The following NFIB variants were observed in gnomAD, a reference collection of about 807,000 sequenced individuals.
NFIB encodes nuclear factor I B, also known as nuclear factor 1 B-type.
NFIB carries 11 observed loss-of-function variants against 61.5 expected under a neutral mutation model. The observed-to-expected ratio is 0.18, with a 90% CI of 0.11 to 0.30. The LOEUF is 0.30. NFIB is among the 10% of genes least tolerant of loss of function. The pLI is 1.00. For missense variants in NFIB, 471 were observed against 608.9 expected, an observed-to-expected ratio of 0.77 and a Z score of 2.38; for synonymous variants, 260 against 216.5, an observed-to-expected ratio of 1.20 and a Z score of -1.76.
chr9:14,090,186 T>C (rs2033650652), intron 10 of NFIB, among the ~76,000 whole-genome samples: 1 of 152,172 alleles, frequency 6.6e-6, no homozygotes, highest in Non-Finnish European at 1.5e-5. Flanking sequence ...AAATTAGATC[T>C]ACTTAGCATT....
At position 14,319,610 on chromosome 9, in the gene NFIB, G is replaced by A. The variant is rs939970896; in HGVS notation, c.109-12090C>T. Among the ~76,000 whole-genome samples, 12 of 152,106 alleles carry A rather than the reference G, an allele frequency of 7.9e-5. No individual in the cohort carries two copies. In the East Asian group the frequency reaches 2.3e-3, roughly 29 times the overall value. The stretch of plus-strand genomic sequence containing the variant: ...ACCATTTTATTTCTACAGGTAAACT[G>A]GCTTCTATTACCCATATACACATGC... On this transcript the variant is annotated intron_variant, in intron 1 of 8. Coordinates refer to the NFIB transcript ENST00000380934.
At chr9:14,147,299 A>G (rs2042372046) in intron 5 of NFIB, among the ~76,000 whole-genome samples, 1 of 152,134 alleles carries the variant, frequency 6.6e-6, no homozygotes, top group South Asian at 2.1e-4. Flanking sequence ...TGAATTGCTA[A>G]TAGTAAGCTC....
chr9:14,511,713 T>C, the NFIB span, among the ~76,000 whole-genome samples: 3 of 152,322 alleles, frequency 2.0e-5, no homozygotes, highest in Non-Finnish European at 4.4e-5. Context: ...TTCTAGGTAT[T>C]TTGGTTCTAA....
the NFIB span, among the ~76,000 whole-genome samples, chr9:14,429,791 A>G: frequency 2.0e-5 from 3 of 152,332 alleles, no homozygotes; most frequent in Middle Eastern, 3.4e-3. Context: ...CTCTCTGGCC[A>G]GCAGTACTCC....
intron 3 of NFIB, among the ~76,000 whole-genome samples, chr9:14,166,553 G>A (rs2131318145): frequency 6.6e-6 from 1 of 152,252 alleles, no homozygotes; most frequent in South Asian, 2.1e-4. Flanking sequence ...TTAGATACAA[G>A]CCTCTCATTA....
chr9:14,121,043 AC>A (rs1169420220), intron 7 of NFIB, among the ~76,000 whole-genome samples: 2 of 152,166 alleles, frequency 1.3e-5, no homozygotes, highest in Non-Finnish European at 2.9e-5. Context: ...CAGGTGGATC[AC>A]CTGAGGTCAG....
At chr9:14,289,884 C>T (rs370367355) in intron 2 of NFIB, among the ~76,000 whole-genome samples, 2 of 151,946 alleles carry the variant, frequency 1.3e-5, no homozygotes, top group South Asian at 4.1e-4. Context: ...AAAAAATAAA[C>T]ACATCACCAT....
chr9:14,086,583 T>A lies in NFIB; in HGVS notation c.*1726A>T, dbSNP rs1466979558. 1 of 216,378 alleles carries A rather than the reference T, an allele frequency of 4.6e-6. No individual in the cohort carries two copies. 13.4% of individuals were successfully genotyped at this position (216,378 alleles called of 1,614,324 possible). A position where few individuals can be genotyped will look rare whatever the true frequency, so the allele number is the denominator to read the frequency against. Reference sequence around the variant, plus strand: ...AAAATATTGCTGGTCGATTACAATTTTTAAGCGGCAACTATACACAGCCAT... The same window carrying A: ...AAAATATTGCTGGTCGATTACAATTATTAAGCGGCAACTATACACAGCCAT... On this transcript the variant is annotated 3_prime_UTR_variant, in exon 11 of 11. Coordinates refer to ENST00000380953, the MANE Select transcript of NFIB (RefSeq NM_001190737.2).
chr9:14,174,051 C>G (rs1465226549), intron 3 of NFIB, among the ~76,000 whole-genome samples: 2 of 152,134 alleles, frequency 1.3e-5, no homozygotes, highest in African/African-American at 4.8e-5. Flanking sequence ...AAACACTTCC[C>G]TCATCCTCTC....
chr9:14,458,116 C>G, the NFIB span, among the ~76,000 whole-genome samples: 1 of 152,214 alleles, frequency 6.6e-6, no homozygotes, highest in Non-Finnish European at 1.5e-5. Context: ...CAAAAATCCT[C>G]AATAAAATAC....
At chr9:14,342,096 A>G (rs984946964) in intron 1 of NFIB, among the ~76,000 whole-genome samples, 2 of 152,202 alleles carry the variant, frequency 1.3e-5, no homozygotes, top group African/African-American at 4.8e-5. Flanking sequence ...GCAATTTTTA[A>G]TATGTCCCCG....
chr9:14,439,277 G>A, the NFIB span, among the ~76,000 whole-genome samples: 1 of 152,132 alleles, frequency 6.6e-6, no homozygotes, highest in Non-Finnish European at 1.5e-5. Flanking sequence ...GGCTGAGGTG[G>A]GAGGATCCCT....
the NFIB span, among the ~76,000 whole-genome samples, chr9:14,484,985 T>C: frequency 6.6e-6 from 1 of 152,344 alleles, no homozygotes; most frequent in East Asian, 1.9e-4. Flanking sequence ...TCTTGCTGTG[T>C]TGTCACATGA....
the NFIB span, among the ~76,000 whole-genome samples, chr9:14,522,884 G>A: frequency 6.6e-6 from 1 of 152,176 alleles, no homozygotes; most frequent in Non-Finnish European, 1.5e-5. Context: ...TCAAACCAGA[G>A]GCTCTGCTCT....
chr9:14,242,449 T>A (rs2054463546), intron 2 of NFIB, among the ~76,000 whole-genome samples: 1 of 152,222 alleles, frequency 6.6e-6, no homozygotes, highest in Admixed American at 6.5e-5. Context: ...TTTCAGGGCA[T>A]CATGATCTCT....
chr9:14,332,050 A>G (rs1419099412), intron 1 of NFIB, among the ~76,000 whole-genome samples: 1 of 152,126 alleles, frequency 6.6e-6, no homozygotes, highest in Non-Finnish European at 1.5e-5. Flanking sequence ...AACCAAGAGG[A>G]AGCCAGGTGG....
intron 7 of NFIB, 52 bp downstream of exon 7, chr9:14,125,580 T>TA: frequency 1.2e-6 from 2 of 1,607,112 alleles, no homozygotes; most frequent in Non-Finnish European, 8.5e-7. Flanking sequence ...CTAAGGGGGT[T>TA]AGGCCCTACA....
intron 2 of NFIB, chr9:14,305,959 G>C: frequency 7.4e-7 from 1 of 1,347,682 alleles, no homozygotes; most frequent in Non-Finnish European, 9.7e-7. Flanking sequence ...ACTATGGATT[G>C]TTGGTAATGC....
intron 3 of NFIB, among the ~76,000 whole-genome samples, chr9:14,157,202 G>A (rs2043530582): frequency 6.6e-6 from 1 of 152,130 alleles, no homozygotes; most frequent in Admixed American, 6.5e-5. Context: ...TGGAACCTGC[G>A]ATCAGCTATA....
Sources: gnomAD v4.1 joint callset for allele counts (sites outside exome capture counted in the v4.1 genomes callset) on GRCh38, gnomAD v4.1.1 for gene constraint, MANE v1.5 for transcripts, NCBI Gene and HGNC (gene_info 2026-07-23, HGNC 2026-07-21) for gene names.